The following HNRNPR variants were observed in gnomAD, a reference collection of about 807,000 sequenced individuals.
HNRNPR encodes the protein heterogeneous nuclear ribonucleoprotein R.
A neutral mutation model predicts 70.3 loss-of-function variants in HNRNPR; 4 were observed. The observed-to-expected ratio is 0.06, with a 90% confidence interval of 0.03 to 0.13. The LOEUF (loss-of-function observed/expected upper bound fraction) is 0.13. HNRNPR is among the 10% of genes least tolerant of loss of function. The pLI is 1.00. For synonymous variants in HNRNPR, 241 were observed against 267.6 expected (o/e 0.90, Z 0.97); for missense variants, 423 against 788.5 (o/e 0.54, Z 5.55).
In HNRNPR at chr1:23,343,455, C is replaced by G. The variant is rs1646779525; in HGVS notation, c.-10+756G>C. On this transcript the variant is annotated intron_variant, in intron 1 of 10. Transcript: ENST00000302271. ...ATCTCAAACAGGTAGTGTGAAAGGA[C>G]TGAACCTTCCAAGAAGCCCTGGGCT... Among the ~76,000 whole-genome samples, 5 of 152,334 alleles carry G rather than the reference C, an allele frequency of 3.3e-5. No individual in the cohort carries two copies. In the South Asian group the frequency reaches 1.0e-3, roughly 32 times the overall value.
At chr1:23,339,038 C>T (rs1234469830) in intron 2 of HNRNPR, among the ~76,000 whole-genome samples, 1 of 152,224 alleles carries the variant, frequency 6.6e-6, no homozygotes, top group Non-Finnish European at 1.5e-5. Context: ...ACAGTTGATG[C>T]TAACCACCTA....
At position 23,321,716 on chromosome 1, in the gene HNRNPR, T is replaced by C. The variant is rs79255301; in HGVS notation, c.676-53A>G. 3,620 of 1,532,790 alleles carry C rather than the reference T, an allele frequency of 2.4e-3. 6 individuals carry two copies. Among genetic ancestry groups the C allele is most frequent in the Non-Finnish European group, 3.0e-3 (3,387 of 1,139,020 alleles). 94.9% of individuals were successfully genotyped at this position (1,532,790 alleles called of 1,614,324 possible). ...CAAAACCACCCCAAACTCAGGACAA[T>C]TGATCTTAATCTAAAAAATTCAACA... On this transcript the variant is annotated intron_variant, in intron 6 of 10. Coordinates refer to ENST00000302271, the MANE Select transcript of HNRNPR (RefSeq NM_005826.5).
In HNRNPR at chr1:23,306,033, A is replaced by C. The variant is rs1645197618; in HGVS notation, c.*4421T>G. On this transcript the variant is annotated 3_prime_UTR_variant, in exon 11 of 11. Transcript: ENST00000302271. Reference sequence around the variant, plus strand: ...TCACTAAAATTAGTGTGCAATAAATATCTCTTTAAGATGCATTATATGTTA... The same window carrying C: ...TCACTAAAATTAGTGTGCAATAAATCTCTCTTTAAGATGCATTATATGTTA... 6.6e-6 allele frequency: 1 copy of C among 152,206 alleles called. No individual in the cohort carries two copies. The highest frequency in any genetic ancestry group is 2.4e-5 in the African/African-American group (1 of 41,464). 9.4% of individuals were successfully genotyped at this position (152,206 alleles called of 1,614,324 possible).
rs778510427 is a variant in HNRNPR at position 23,310,973 on chromosome 1, A to G, written c.1383T>C (p.Pro461=). ...RGGGRGGYGY[P]PDYYGYEDYY... ...AATCTTCATAGCCGTAGTAATCTGG[A>G]GGGTAGCCATATCCACCTCTCCCCC... Residue 461 remains proline (P), a synonymous_variant, in exon 11 of 11, where the codon CCT becomes CCC. Coordinates refer to ENST00000302271, the MANE Select transcript of HNRNPR (RefSeq NM_005826.5). The surrounding 1 kb of genome is among the most constrained non-coding windows in gnomAD (Gnocchi z 6.0). 6.2e-7 allele frequency: 1 copy of G among 1,613,958 alleles called. No homozygotes were observed. Among genetic ancestry groups the G allele is most frequent in the Non-Finnish European group, 8.5e-7 (1 of 1,179,998 alleles).
At chr1:23,320,687 G>GATTTAAAATC (rs1347663594) in intron 7 of HNRNPR, among the ~76,000 whole-genome samples, 7 of 152,216 alleles carry the variant, frequency 4.6e-5, no homozygotes, top group Admixed American at 4.6e-4. Flanking sequence ...TTAAATCATA[G>GATTTAAAATC]GTAGTATTAG....
At chr1:23,330,237 C>A (rs1219692227) in intron 5 of HNRNPR, among the ~76,000 whole-genome samples, 1 of 151,974 alleles carries the variant, frequency 6.6e-6, no homozygotes, top group Non-Finnish European at 1.5e-5. Flanking sequence ...TTAATGGAAA[C>A]GAGTACAAAC....
chr1:23,310,832 C>T lies in HNRNPR; in HGVS notation c.1524G>A (p.Gly508=), dbSNP rs1381994102. The T allele has an allele frequency of 1.2e-6, 2 of 1,614,054 alleles. No homozygotes were observed. Among genetic ancestry groups the T allele is most frequent in the East Asian group, 4.5e-5 (2 of 44,868 alleles). ...AVRGRGGGRG[G]RGAPPPPRGR... ...CCCTTGGTGGTGGTGGAGCACCTCGCCCTCCCCTTCCTCCTCCTCTTCCTC... is the reference window on the plus strand; with the variant it reads ...CCCTTGGTGGTGGTGGAGCACCTCGTCCTCCCCTTCCTCCTCCTCTTCCTC... Residue 508 remains glycine (G), a synonymous_variant, in exon 11 of 11, where the codon GGG becomes GGA. Coordinates refer to ENST00000302271, the MANE Select transcript of HNRNPR (RefSeq NM_005826.5). This position sits in a 1 kb window ranked among gnomAD's most constrained non-coding sequence, Gnocchi z 6.0.
At chr1:23,336,301 C>T (rs1646480994) in intron 4 of HNRNPR, among the ~76,000 whole-genome samples, 1 of 150,898 alleles carries the variant, frequency 6.6e-6, no homozygotes, top group South Asian at 2.1e-4. Context: ...CACGGTGGCT[C>T]ACGCCTGTAA....
intron 5 of HNRNPR, among the ~76,000 whole-genome samples, chr1:23,330,464 G>T (rs1005873300): frequency 1.1e-4 from 16 of 152,096 alleles, no homozygotes; most frequent in Non-Finnish European, 5.9e-5. Flanking sequence ...GAACCTGGGA[G>T]GCGGAGGTTG....
intron 1 of HNRNPR, among the ~76,000 whole-genome samples, chr1:23,342,930 A>AT (rs1360671552): frequency 6.6e-6 from 1 of 152,208 alleles, no homozygotes; most frequent in Non-Finnish European, 1.5e-5. Flanking sequence ...ATTGGTTAAA[A>AT]TTTTCAAAAA....
chr1:23,316,138 G>C (rs1645535337), intron 8 of HNRNPR, among the ~76,000 whole-genome samples: 1 of 152,124 alleles, frequency 6.6e-6, no homozygotes, highest in African/African-American at 2.4e-5. Flanking sequence ...TACTCAAATG[G>C]ATAAACTTTT....
rs551774376 is a variant in HNRNPR at position 23,308,651 on chromosome 1, A to G, written c.*1803T>C. The G allele has an allele frequency of 7.2e-5, 11 of 152,230 alleles. No homozygotes were observed. The highest frequency in any genetic ancestry group is 2.4e-4 in the African/African-American group (10 of 41,588). The allele number at this position is 152,230 out of a possible 1,614,324, so 9.4% of individuals were successfully genotyped here. A position where few individuals can be genotyped will look rare whatever the true frequency, so the allele number is the denominator to read the frequency against. On this transcript the variant is annotated 3_prime_UTR_variant, in exon 11 of 11. Transcript: ENST00000302271. ...CAGTTTCCAAAAAACTAAAATATCA[A>G]TAAGGTCTGTTAAATGACTATACTG...
chr1:23,323,501 A>G (rs1052511491), intron 6 of HNRNPR, 55 bp downstream of exon 6: 74 of 1,471,612 alleles, frequency 5.0e-5, no homozygotes, highest in Non-Finnish European at 6.6e-5. Context: ...TTTTTGAATT[A>G]AAGTTTATTT....
chr1:23,313,108 A>G (rs1645398768), intron 9 of HNRNPR, among the ~76,000 whole-genome samples: 1 of 152,208 alleles, frequency 6.6e-6, no homozygotes, highest in African/African-American at 2.4e-5. Context: ...ATGATTAAAT[A>G]AAGGTAAAAC....
chr1:23,316,215 G>A (rs985526435), intron 8 of HNRNPR, among the ~76,000 whole-genome samples: 8 of 152,150 alleles, frequency 5.3e-5, no homozygotes, highest in Admixed American at 2.6e-4. Context: ...TGAAGCAGGA[G>A]GGACGCTTAA....
At chr1:23,324,019 C>T (rs751963247) in intron 5 of HNRNPR, among the ~76,000 whole-genome samples, 1 of 151,958 alleles carries the variant, frequency 6.6e-6, no homozygotes, top group Non-Finnish European at 1.5e-5. Flanking sequence ...CTCATAAAAA[C>T]AGAATAAAGG....
At chr1:23,326,539 C>T (rs1412594538) in intron 5 of HNRNPR, among the ~76,000 whole-genome samples, 2 of 152,280 alleles carry the variant, frequency 1.3e-5, no homozygotes, top group South Asian at 2.1e-4. Context: ...AATCCCAGCA[C>T]TTTGGGAGGC....
rs951138105 is a variant in HNRNPR, at chr1:23,331,220, T to C, written c.498+2298A>G. Reference sequence around the variant, plus strand: ...ACAATGCAATCTAAGAGAATGCGTATGTGTTTTACAATTAACATATCAACT... The same window carrying C: ...ACAATGCAATCTAAGAGAATGCGTACGTGTTTTACAATTAACATATCAACT... On this transcript the variant is annotated intron_variant, in intron 5 of 10. Transcript: ENST00000302271. 3.3e-5 allele frequency among the ~76,000 whole-genome samples: 5 copies of C among 152,220 alleles called. No homozygotes were observed. In the South Asian group the frequency reaches 6.2e-4, roughly 19 times the overall value.
At chr1:23,327,688 TTAAATAAATAAATAAA>T (rs66915389) in intron 5 of HNRNPR, among the ~76,000 whole-genome samples, 2 of 151,294 alleles carry the variant, frequency 1.3e-5, no homozygotes, top group African/African-American at 4.9e-5. Context: ...AGACTCTGTC[TTAAATAAATAAATAAA>T]TAAATAAATA....
Sources: allele counts gnomAD v4.1 joint callset (sites outside exome capture counted in the v4.1 genomes callset), GRCh38; gene constraint gnomAD v4.1.1; non-coding constraint Gnocchi (gnomAD v3.1); transcripts MANE v1.5; gene names NCBI Gene and HGNC (gene_info 2026-07-23, HGNC 2026-07-21).